The following ASXL3 variants were observed in gnomAD, a reference collection of about 807,000 sequenced individuals.
ASXL3 encodes ASXL transcriptional regulator 3.
Under a neutral mutation model 170.6 loss-of-function variants are expected in ASXL3, and 34 were observed. The ratio of observed to expected loss-of-function variants is 0.20; its 90% confidence interval spans 0.15 to 0.27. The LOEUF (loss-of-function observed/expected upper bound fraction) is 0.27. Among genes scored for constraint, ASXL3 ranks in the 10% least tolerant of loss-of-function variants. The pLI is 1.00. For missense variants in ASXL3, 2,592 were observed against 2,695.3 expected (o/e 0.96, Z 0.85); for synonymous variants, 1,002 against 989.1 (o/e 1.01, Z -0.24).
At chr18:33,701,101 A>G (rs1409552404) in intron 8 of ASXL3, among the ~76,000 whole-genome samples, 1 of 151,352 alleles carries the variant, frequency 6.6e-6, no homozygotes, top group African/African-American at 2.4e-5. Flanking sequence ...CTTTTTCTTT[A>G]TGATTTGGGT....
At chr18:33,617,058 T>G (rs924207163) in intron 2 of ASXL3, among the ~76,000 whole-genome samples, 8 of 152,212 alleles carry the variant, frequency 5.3e-5, no homozygotes, top group African/African-American at 1.7e-4. Flanking sequence ...TTTCTAGAAA[T>G]TTTTTGTATC....
At chr18:33,721,404 G>A (rs8099292) in intron 8 of ASXL3, among the ~76,000 whole-genome samples, 4 of 152,024 alleles carry the variant, frequency 2.6e-5, no homozygotes, top group African/African-American at 9.7e-5. Flanking sequence ...ATATATGTAT[G>A]TATGTATATA....
intron 8 of ASXL3, among the ~76,000 whole-genome samples, chr18:33,719,872 A>C (rs959809436): frequency 6.6e-5 from 10 of 151,964 alleles, no homozygotes; most frequent in Non-Finnish European, 1.0e-4. Context: ...GTGAGGAATA[A>C]ATTTTTGTTG....
At chr18:33,639,220 C>T (rs78086351) in intron 2 of ASXL3, among the ~76,000 whole-genome samples, 3,277 of 152,162 alleles carry the variant, frequency 0.022, 64 homozygotes, top group Non-Finnish European at 0.03. Context: ...ATTTAATCTT[C>T]GGATTAATTC....
intron 2 of ASXL3, chr18:33,614,737 G>A (rs973785663): frequency 1.3e-5 from 2 of 152,096 alleles, no homozygotes; most frequent in Non-Finnish European, 2.9e-5. Flanking sequence ...AGGTATGAAA[G>A]CAACATTAGT....
chr18:33,746,572 G>T lies in ASXL3; in HGVS notation c.6724G>T (p.Val2242Leu), dbSNP rs1237500126. ...CTGCATAGGTCCTTCAAAACTTTGT[G>T]TAGCATGCCTGGTTGTACGATAAGA... is the stretch of plus-strand genomic sequence containing the variant. ...DDCIGPSKLC[V>L]ACLVVR Residue 2242 changes from valine (V) to leucine (L), a missense_variant, in exon 12 of 12, where the codon GTA becomes TTA. Val to Leu is a conservative substitution (Grantham distance 32). Around this residue, in one of 4 missense-constraint regions of ASXL3, gnomAD observed 22 missense variants for 51.1 expected, o/e 0.43. Coordinates refer to ENST00000269197, the MANE Select transcript of ASXL3 (RefSeq NM_030632.3). 13 of 1,592,592 alleles carry T rather than the reference G, an allele frequency of 8.2e-6. No individual in the cohort carries two copies. The highest frequency in any genetic ancestry group is 4.0e-5 in the African/African-American group (3 of 74,640).
intron 1 of ASXL3, among the ~76,000 whole-genome samples, chr18:33,597,064 C>G (rs552428571): frequency 6.6e-6 from 1 of 152,284 alleles, no homozygotes; most frequent in South Asian, 2.1e-4. Flanking sequence ...ATCTGCCCGC[C>G]TTGGCCTCCC....
At position 33,676,222 on chromosome 18, in the gene ASXL3, CAAAAA is replaced by C. The variant is rs568221465; in HGVS notation, c.715+4377_715+4381del. Among the ~76,000 whole-genome samples the C allele has an allele frequency of 3.4e-4, 14 of 41,730 alleles. No homozygotes were observed. The East Asian group carries it at 3.9e-3, about 12-fold the overall frequency. The allele number at this position is 41,730 out of a possible 152,430, so 27.4% of individuals were successfully genotyped here. A position where few individuals can be genotyped will look rare whatever the true frequency, so the allele number is the denominator to read the frequency against. On this transcript the variant is annotated intron_variant, in intron 7 of 11. Transcript: ENST00000269197. ...CTGGGTGACGAGCGAGACTCCGTCTCAAAAAAAAAAAAAAAAAAAAAAAAATTATT... is the reference window on the plus strand; with the variant it reads ...CTGGGTGACGAGCGAGACTCCGTCTCAAAAAAAAAAAAAAAAAAAATTATT...
In ASXL3 at chr18:33,707,374, T is replaced by G. The variant is rs150364138; in HGVS notation, c.879+23806T>G. Among the ~76,000 whole-genome samples the G allele has an allele frequency of 2.2e-4, 33 of 152,100 alleles. No individual in the cohort carries two copies. The East Asian group carries it at 5.8e-3, about 27-fold the overall frequency. On this transcript the variant is annotated intron_variant, in intron 8 of 11. Transcript: ENST00000269197. Reference sequence around the variant, plus strand: ...ACCATAACTTGTCTTTCCATTTATTTAGGTCTTCCTTAATTTCTCTCAATA... The same window carrying G: ...ACCATAACTTGTCTTTCCATTTATTGAGGTCTTCCTTAATTTCTCTCAATA...
chr18:33,602,262 A>C (rs950421814), intron 1 of ASXL3, among the ~76,000 whole-genome samples: 2 of 152,090 alleles, frequency 1.3e-5, no homozygotes, highest in African/African-American at 4.8e-5. Flanking sequence ...CCATGAAACC[A>C]GTCCCTGGTG....
intron 11 of ASXL3, among the ~76,000 whole-genome samples, chr18:33,740,879 T>C (rs1426380855): frequency 6.6e-6 from 1 of 152,234 alleles, no homozygotes; most frequent in African/African-American, 2.4e-5. Context: ...GACTTGATGC[T>C]TTTATCTAAG....
chr18:33,598,341 T>C (rs2065149713), intron 1 of ASXL3, among the ~76,000 whole-genome samples: 2 of 152,212 alleles, frequency 1.3e-5, no homozygotes, highest in East Asian at 3.8e-4. Context: ...TGGGAGGTTC[T>C]ATAACAAAAC....
In ASXL3 at chr18:33,743,136, G is replaced by A. The variant is rs543703623; in HGVS notation, c.3288G>A (p.Thr1096=). ...AMGSPGEGGK[T]RTLAHIKEQT... is the part of the protein sequence containing the mutation. ...GAAGTCCAGGAGAGGGTGGAAAGAC[G>A]AGAACTCTGGCACACATCAAAGAGC... Residue 1096 remains threonine, a synonymous_variant, in exon 12 of 12, where the codon ACG becomes ACA. Coordinates refer to ENST00000269197, the MANE Select transcript of ASXL3 (RefSeq NM_030632.3). 1.3e-4 allele frequency: 209 copies of A among 1,613,864 alleles called. 7 individuals are homozygous for A. In the South Asian group the frequency reaches 1.8e-3, roughly 14 times the overall value.
chr18:33,682,510 C>CAGAGCATA (rs2066529757), intron 7 of ASXL3, among the ~76,000 whole-genome samples: 1 of 152,116 alleles, frequency 6.6e-6, no homozygotes, highest in Admixed American at 6.5e-5. Flanking sequence ...AATCATCCTG[C>CAGAGCATA]AGAGCATATT....
At chr18:33,719,940 C>T (rs2067231577) in intron 8 of ASXL3, among the ~76,000 whole-genome samples, 1 of 152,022 alleles carries the variant, frequency 6.6e-6, no homozygotes, top group Non-Finnish European at 1.5e-5. Context: ...GACTAAGGCA[C>T]CCATCTTCAG....
intron 8 of ASXL3, among the ~76,000 whole-genome samples, chr18:33,698,727 AT>A (rs1189712304): frequency 6.6e-6 from 1 of 152,164 alleles, no homozygotes; most frequent in East Asian, 1.9e-4. Context: ...TAAAACCAGA[AT>A]TCTATCATTG....
chr18:33,683,648 TTA>T, intron 8 of ASXL3, 80 bp downstream of exon 8: 1 of 1,336,936 alleles, frequency 7.5e-7, no homozygotes. Flanking sequence ...CAAAGATGAC[TTA>T]TATATGGATA....
chr18:33,625,730 G>A (rs959391), intron 2 of ASXL3: 85,426 of 151,834 alleles, frequency 0.56, 24,954 homozygotes, highest in African/African-American at 0.68. Context: ...AGTACACCAA[G>A]TGGATATTTC....
At chr18:33,676,149 G>A (rs573596754) in intron 7 of ASXL3, among the ~76,000 whole-genome samples, 9 of 147,438 alleles carry the variant, frequency 6.1e-5, no homozygotes, top group Non-Finnish European at 1.2e-4. Context: ...GCGTGAACCC[G>A]GGAGGCGGAG....
Sources: allele counts gnomAD v4.1 joint callset (sites outside exome capture counted in the v4.1 genomes callset), GRCh38; gene constraint gnomAD v4.1.1; regional missense constraint gnomAD v4.1.1; transcripts MANE v1.5; gene names NCBI Gene and HGNC (gene_info 2026-07-23, HGNC 2026-07-21).